HEATR4: variants seen among roughly 807,000 people sequenced by gnomAD.
HEATR4 encodes HEAT repeat containing 4, also known as HEAT repeat-containing protein 4.
HEATR4 carries 95 observed loss-of-function variants against 108.8 expected under a neutral mutation model. The observed-to-expected ratio is 0.87, with a 90% confidence interval of 0.74 to 1.04. HEATR4 has a LOEUF of 1.04. HEATR4 is among the 50% of genes least tolerant of loss of function. The pLI, the probability that HEATR4 is intolerant of heterozygous loss-of-function variation, is 0.00. For synonymous variants in HEATR4, 443 were observed against 459.4 expected (o/e 0.96, Z 0.46); for missense variants, 1,152 against 1,253.8 (o/e 0.92, Z 1.23).
At chr14:73,505,270 G>C (rs1046542476) in intron 10 of HEATR4, among the ~76,000 whole-genome samples, 3 of 152,228 alleles carry the variant, frequency 2.0e-5, no homozygotes, top group African/African-American at 7.2e-5. Context: ...CTCTCTCTCT[G>C]AAAAGTTTTA....
At chr14:73,617,058 AGCCTCC>A in the HEATR4 span, 87 of 1,311,854 alleles carry the variant, frequency 6.6e-5, no homozygotes, top group Non-Finnish European at 8.7e-5. Context: ...ATACAGGGCC[AGCCTCC>A]TGGCCGGACA....
intron 1 of HEATR4, chr14:73,541,417 T>C: frequency 8.8e-7 from 1 of 1,137,756 alleles, no homozygotes. Flanking sequence ...GGTAAGTATA[T>C]GTTTAACTTG....
chr14:73,629,484 G>C, the HEATR4 span, among the ~76,000 whole-genome samples: 7 of 152,248 alleles, frequency 4.6e-5, no homozygotes, highest in South Asian at 6.2e-4. Context: ...AGCTAAGTCA[G>C]TCCAAGGCCA....
At chr14:73,596,591 T>TTTATTATTATTA in the HEATR4 span, 2 of 151,554 alleles carry the variant, frequency 1.3e-5, no homozygotes, top group Non-Finnish European at 2.9e-5. Flanking sequence ...CTACATAGCA[T>TTTATTATTATTA]TTATTATTAT....
chr14:73,521,009 T>G lies in HEATR4; in HGVS notation c.912A>C (p.Thr304=). 1 of 1,613,650 alleles carries G rather than the reference T, an allele frequency of 6.2e-7. No homozygotes were observed. Among genetic ancestry groups the G allele is most frequent in the Non-Finnish European group, 8.5e-7 (1 of 1,179,970 alleles). ...TCTTGTTGCCAGGCATGATCTCAACTGTCTCTGCTTGTTGGAAGTAACTGG... is the reference window on the plus strand; with the variant it reads ...TCTTGTTGCCAGGCATGATCTCAACGGTCTCTGCTTGTTGGAAGTAACTGG... ...RLPSYFQQAE[T]VEIMPGNKST... The change falls in exon 4 of 18, where the codon ACA becomes ACC. Residue 304 remains threonine (T), a synonymous_variant. Transcript: ENST00000553558.
At chr14:73,578,039 T>C in the HEATR4 span, among the ~76,000 whole-genome samples, 1 of 149,190 alleles carries the variant, frequency 6.7e-6, no homozygotes, top group Non-Finnish European at 1.5e-5. Flanking sequence ...TTAGTAGAGA[T>C]GGAGTTTTGC....
At chr14:73,493,528 TAATC>T (rs1200229463) in intron 16 of HEATR4, 5 of 193,152 alleles carry the variant, frequency 2.6e-5, no homozygotes, top group Non-Finnish European at 5.4e-5. Flanking sequence ...AGGAGCATGT[TAATC>T]AACCTCTTAA....
the HEATR4 span, among the ~76,000 whole-genome samples, chr14:73,565,840 G>A: frequency 2.6e-5 from 4 of 152,042 alleles, no homozygotes; most frequent in African/African-American, 9.7e-5. Context: ...AAGAACGAAA[G>A]AACAAAGTTT....
At chr14:73,479,816 C>T (rs1180800615) in intron 17 of HEATR4, among the ~76,000 whole-genome samples, 1 of 151,672 alleles carries the variant, frequency 6.6e-6, no homozygotes, top group Non-Finnish European at 1.5e-5. Flanking sequence ...ACCTCATGAT[C>T]TGCCTGCCTC....
At chr14:73,616,758 A>C in the HEATR4 span, 2 of 366,448 alleles carry the variant, frequency 5.5e-6, no homozygotes, top group East Asian at 4.2e-5. Context: ...ACACGGATGA[A>C]CTGTACAGTG....
chr14:73,478,853 A>G lies in HEATR4; in HGVS notation c.2845-11T>C, dbSNP rs1487528904. On this transcript the variant is annotated splice_polypyrimidine_tract_variant and intron_variant, in intron 17 of 17. Coordinates refer to ENST00000553558, the MANE Select transcript of HEATR4 (RefSeq NM_001220484.1). The stretch of plus-strand genomic sequence containing the variant: ...GCGGGGCTTCACAGGCTGCAGAGAA[A>G]CATGAAAACATGAGTGCATATGCCA... 6.3e-7 allele frequency: 1 copy of G among 1,585,580 alleles called. No homozygotes were observed. Among genetic ancestry groups the G allele is most frequent in the Non-Finnish European group, 8.6e-7 (1 of 1,163,242 alleles).
the HEATR4 span, chr14:73,616,751 C>G: frequency 3.4e-5 from 12 of 349,346 alleles, no homozygotes; most frequent in African/African-American, 2.1e-4. Context: ...TGGGGTTACA[C>G]GGATGAACTG....
Position 73,492,737 on chromosome 14 carries a change from TC to T in HEATR4, c.2844+328del. The stretch of plus-strand genomic sequence containing the variant: ...GTTTCTCTATTACACAGTGGAAAAC[TC>T]CCGTGTGTATCATCTGGAAGAACCC... On this transcript the variant is annotated intron_variant, in intron 17 of 17. Coordinates refer to ENST00000553558, the MANE Select transcript of HEATR4 (RefSeq NM_001220484.1). The surrounding 1 kb of genome is among the most constrained non-coding windows in gnomAD (Gnocchi z 4.9). 1 of 1,613,924 alleles carries T rather than the reference TC, an allele frequency of 6.2e-7. No homozygotes were observed. Among genetic ancestry groups the T allele is most frequent in the Non-Finnish European group, 8.5e-7 (1 of 1,179,882 alleles).
chr14:73,484,368 G>GT (rs746348865), intron 17 of HEATR4, among the ~76,000 whole-genome samples: 3 of 151,830 alleles, frequency 2.0e-5, no homozygotes, highest in East Asian at 1.9e-4. Flanking sequence ...TCAAACTGTG[G>GT]TTTTTTGTTT....
intron 17 of HEATR4, chr14:73,491,281 C>T (rs750372152): frequency 5.8e-6 from 9 of 1,560,942 alleles, no homozygotes; most frequent in Admixed American, 1.9e-5. Flanking sequence ...TGGCGGCCGT[C>T]CCGGACGCAG....
the HEATR4 span, among the ~76,000 whole-genome samples, chr14:73,585,309 C>G: frequency 6.6e-6 from 1 of 152,168 alleles, no homozygotes; most frequent in Non-Finnish European, 1.5e-5. Flanking sequence ...CCCTAGGACA[C>G]AAGCCTCCTG....
the HEATR4 span, chr14:73,616,951 G>T: frequency 4.9e-6 from 3 of 608,174 alleles, no homozygotes; most frequent in Admixed American, 2.9e-5. Context: ...ACTGTCTTTT[G>T]AGAAACTAAA....
the HEATR4 span, among the ~76,000 whole-genome samples, chr14:73,572,472 A>G: frequency 6.6e-6 from 1 of 151,940 alleles, no homozygotes; most frequent in Admixed American, 6.6e-5. Context: ...TAAAATATTA[A>G]GGTACATAAT....
chr14:73,581,836 C>T, the HEATR4 span: 4 of 79,288 alleles, frequency 5.0e-5, no homozygotes, highest in Non-Finnish European at 9.5e-5. Context: ...TGAGGCAAGC[C>T]ATTTTTAGAG....
Sources: allele counts gnomAD v4.1 joint callset (sites outside exome capture counted in the v4.1 genomes callset), GRCh38; gene constraint gnomAD v4.1.1; non-coding constraint Gnocchi (gnomAD v3.1); transcripts MANE v1.5; gene names NCBI Gene and HGNC (gene_info 2026-07-23, HGNC 2026-07-21).